CA10: variants seen among roughly 807,000 people sequenced by gnomAD.
CA10 encodes the protein carbonic anhydrase 10 (inactive), also known as carbonic anhydrase-related protein 10.
Under a neutral mutation model 44.2 loss-of-function variants are expected in CA10, and 14 were observed. The observed-to-expected ratio is 0.32, with a 90% confidence interval of 0.21 to 0.50. The LOEUF is 0.50. Ranked by LOEUF, CA10 falls within the 20% of genes least tolerant of loss-of-function variation. CA10 has a pLI of 0.99. For missense variants in CA10, 350 were observed against 409.7 expected, an observed-to-expected ratio of 0.85 and a Z score of 1.26; for synonymous variants, 159 against 141.6, an observed-to-expected ratio of 1.12 and a Z score of -0.87.
intron 3 of CA10, among the ~76,000 whole-genome samples, chr17:51,909,585 C>A (rs1981706913): frequency 6.6e-6 from 1 of 152,110 alleles, no homozygotes; most frequent in South Asian, 2.1e-4. Context: ...GAAACGGAAC[C>A]TGTCAATTTC....
chr17:52,115,026 T>C (rs1988863010), intron 1 of CA10, among the ~76,000 whole-genome samples: 3 of 152,132 alleles, frequency 2.0e-5, no homozygotes, highest in Admixed American at 2.0e-4. Flanking sequence ...ACACCAGATG[T>C]TTTTGTGCAG....
At chr17:51,663,859 T>A (rs748227247) in intron 4 of CA10, among the ~76,000 whole-genome samples, 29 of 152,238 alleles carry the variant, frequency 1.9e-4, no homozygotes, top group Non-Finnish European at 3.1e-4. Flanking sequence ...CCATATATCA[T>A]TCACATTTGC....
intron 3 of CA10, among the ~76,000 whole-genome samples, chr17:51,888,030 A>G (rs569815740): frequency 4.6e-5 from 7 of 152,052 alleles, no homozygotes; most frequent in African/African-American, 1.7e-4. Context: ...ATCTCAAGAA[A>G]ACAAAAACAA....
intron 2 of CA10, among the ~76,000 whole-genome samples, chr17:51,984,289 G>C (rs1251650039): frequency 6.6e-6 from 1 of 151,676 alleles, no homozygotes; most frequent in Non-Finnish European, 1.5e-5. Flanking sequence ...AGATGGAAAT[G>C]AAAACATTCT....
intron 1 of CA10, among the ~76,000 whole-genome samples, chr17:52,125,275 C>T (rs1414747775): frequency 6.6e-6 from 1 of 152,164 alleles, no homozygotes; most frequent in Non-Finnish European, 1.5e-5. Flanking sequence ...TCCAGTGCTA[C>T]TGTAGTGTGA....
chr17:51,696,072 T>G (rs1360475954), intron 4 of CA10, among the ~76,000 whole-genome samples: 1 of 152,222 alleles, frequency 6.6e-6, no homozygotes, highest in Non-Finnish European at 1.5e-5. Context: ...TTTGCTAGTA[T>G]TTCGTTGCAG....
chr17:51,636,129 T>C, intron 6 of CA10, 120 bp from the exon 7 acceptor site: 1 of 511,836 alleles, frequency 2.0e-6, no homozygotes, highest in South Asian at 6.4e-5. Flanking sequence ...CACACACAGA[T>C]ATATATGTAT....
intron 4 of CA10, among the ~76,000 whole-genome samples, chr17:51,668,628 TGCTC>T (rs1241564433): frequency 1.3e-5 from 2 of 152,200 alleles, no homozygotes; most frequent in African/African-American, 4.8e-5. Flanking sequence ...TAGCAACCCT[TGCTC>T]GCTCTCGGGA....
At chr17:52,132,181 A>T (rs1244169105) in intron 1 of CA10, among the ~76,000 whole-genome samples, 1 of 152,108 alleles carries the variant, frequency 6.6e-6, no homozygotes, top group Admixed American at 6.6e-5. Flanking sequence ...AATAATAATA[A>T]AAAAAGAAAT....
intron 3 of CA10, among the ~76,000 whole-genome samples, chr17:51,875,257 C>T (rs1423515441): frequency 6.6e-6 from 1 of 152,174 alleles, no homozygotes; most frequent in East Asian, 1.9e-4. Flanking sequence ...GCAATCCTCC[C>T]ATACTGGCCT....
chr17:52,116,779 T>G (rs539309768), intron 1 of CA10, among the ~76,000 whole-genome samples: 37 of 152,200 alleles, frequency 2.4e-4, no homozygotes, highest in Non-Finnish European at 4.6e-4. Context: ...TTTTACCAGT[T>G]GGGCTTTTGG....
At chr17:51,778,344 GC>G (rs1905912465) in intron 3 of CA10, among the ~76,000 whole-genome samples, 1 of 152,194 alleles carries the variant, frequency 6.6e-6, no homozygotes, top group South Asian at 2.1e-4. Context: ...CAGAGGCACA[GC>G]TCACAGCCCT....
chr17:52,055,043 A>C (rs1385396484), intron 2 of CA10, among the ~76,000 whole-genome samples: 1 of 152,088 alleles, frequency 6.6e-6, no homozygotes, highest in African/African-American at 2.4e-5. Context: ...TAATTAACAA[A>C]CATATACACT....
At chr17:51,640,014 C>T (rs922562949) in intron 6 of CA10, among the ~76,000 whole-genome samples, 7 of 152,210 alleles carry the variant, frequency 4.6e-5, no homozygotes, top group Non-Finnish European at 1.0e-4. Flanking sequence ...CTCAAGGACT[C>T]CCTGGCTTCC....
intron 4 of CA10, among the ~76,000 whole-genome samples, chr17:51,732,602 T>C (rs1178440399): frequency 6.6e-6 from 1 of 151,892 alleles, no homozygotes; most frequent in Non-Finnish European, 1.5e-5. Flanking sequence ...CTTCACCAGA[T>C]AACTGTTCTC....
intron 4 of CA10, among the ~76,000 whole-genome samples, chr17:51,667,870 C>T (rs1359259474): frequency 6.6e-6 from 1 of 152,172 alleles, no homozygotes; most frequent in Non-Finnish European, 1.5e-5. Context: ...TTGCTGACAG[C>T]ACTTGGGAAC....
chr17:52,019,694 A>C (rs572964695), intron 2 of CA10, among the ~76,000 whole-genome samples: 1 of 152,172 alleles, frequency 6.6e-6, no homozygotes, highest in Non-Finnish European at 1.5e-5. Context: ...TCCTACACTA[A>C]AAAATAGAAC....
At chr17:52,075,855 A>C (rs1987804769) in intron 1 of CA10, among the ~76,000 whole-genome samples, 2 of 152,296 alleles carry the variant, frequency 1.3e-5, no homozygotes, top group South Asian at 2.1e-4. Context: ...CAAAAGATAC[A>C]TCTTTCCCCA....
chr17:51,647,312 G>T (rs1913380424), intron 6 of CA10, among the ~76,000 whole-genome samples: 1 of 152,170 alleles, frequency 6.6e-6, no homozygotes, highest in African/African-American at 2.4e-5. Flanking sequence ...CTGAGACGAA[G>T]AGCTGATGAA....
Sources: allele counts gnomAD v4.1 joint callset (sites outside exome capture counted in the v4.1 genomes callset), GRCh38; gene constraint gnomAD v4.1.1; transcripts MANE v1.5; gene names NCBI Gene and HGNC (gene_info 2026-07-23, HGNC 2026-07-21).